The following GANC variants were observed in gnomAD, a reference collection of about 807,000 sequenced individuals.
The protein encoded by GANC is neutral alpha-glucosidase C.
GANC carries 117 observed loss-of-function variants against 124.2 expected under a neutral mutation model. The ratio of observed to expected loss-of-function variants is 0.94; its 90% CI spans 0.81 to 1.10. The LOEUF (loss-of-function observed/expected upper bound fraction) is 1.10. Ranked by LOEUF, GANC falls within the 50% of genes least tolerant of loss-of-function variation. The pLI, the probability that GANC is intolerant of heterozygous loss-of-function variation, is 0.00. For missense variants in GANC, 1,140 were observed against 1,095.0 expected (o/e 1.04, Z -0.58); for synonymous variants, 377 against 376.8 (o/e 1.00, Z -0.01).
chr15:42,301,478 G>T (rs901973372), intron 6 of GANC, among the ~76,000 whole-genome samples: 2 of 151,746 alleles, frequency 1.3e-5, no homozygotes, highest in African/African-American at 4.8e-5. Context: ...ATACCCCAGT[G>T]GCGCCTGGAA....
intron 3 of GANC, chr15:42,280,773 G>A (rs1042312503): frequency 2.8e-5 from 17 of 601,828 alleles, no homozygotes; most frequent in Non-Finnish European, 4.4e-5. Flanking sequence ...AAAATCACCC[G>A]GAATATCAGT....
chr15:42,336,313 C>T (rs2052283256), intron 15 of GANC, among the ~76,000 whole-genome samples: 1 of 151,958 alleles, frequency 6.6e-6, no homozygotes, highest in Non-Finnish European at 1.5e-5. Flanking sequence ...GAATAGAGGG[C>T]CCAGAAATAA....
chr15:42,321,343 T>C (rs1014611038), intron 10 of GANC, among the ~76,000 whole-genome samples: 5 of 152,188 alleles, frequency 3.3e-5, no homozygotes, highest in Non-Finnish European at 7.4e-5. Flanking sequence ...CCTTGAATAT[T>C]TATTTTTCTG....
intron 3 of GANC, among the ~76,000 whole-genome samples, chr15:42,287,342 C>T (rs2051799345): frequency 6.6e-6 from 1 of 152,170 alleles, no homozygotes. Flanking sequence ...TGTAGTTTAT[C>T]ATAGATACAG....
At chr15:42,303,449 A>G (rs903426478) in intron 6 of GANC, among the ~76,000 whole-genome samples, 1 of 152,192 alleles carries the variant, frequency 6.6e-6, no homozygotes, top group Non-Finnish European at 1.5e-5. Context: ...TACATTAACT[A>G]ATGGGCAAAA....
At chr15:42,276,611 T>C (rs2051674105) in intron 2 of GANC, among the ~76,000 whole-genome samples, 1 of 152,248 alleles carries the variant, frequency 6.6e-6, no homozygotes, top group Non-Finnish European at 1.5e-5. Flanking sequence ...ACAGCTATTT[T>C]ATTTTAAAAG....
chr15:42,329,579 A>T, intron 14 of GANC, 130 bp downstream of exon 14: 1 of 939,460 alleles, frequency 1.1e-6, no homozygotes, highest in Non-Finnish European at 1.5e-6. Flanking sequence ...GACAACTGCA[A>T]TGAGTCTTAG....
In GANC at chr15:42,353,382, A is replaced by G; in HGVS notation, c.*1243A>G. The stretch of plus-strand genomic sequence containing the variant: ...CAACTTAAATCCCACTTTCCCATGA[A>G]GCCTAACTGCGTGAACACCCCTACC... On this transcript the variant is annotated 3_prime_UTR_variant, in exon 24 of 24. Transcript: ENST00000318010. 1.0e-6 allele frequency: 1 copy of G among 984,834 alleles called. No individual in the cohort carries two copies. 61.0% of individuals were successfully genotyped at this position (984,834 alleles called of 1,614,324 possible).
chr15:42,330,770 C>CTTTTTTTTTTTTTTT (rs71108160), intron 15 of GANC, 98 bp downstream of exon 15: 6 of 361,074 alleles, frequency 1.7e-5, no homozygotes, highest in African/African-American at 1.0e-4. Flanking sequence ...CTTCCTTTTC[C>CTTTTTTTTTTTTTTT]TTTTTTTTTT....
rs1468248812 is a variant in GANC, at chr15:42,294,207, C to T, written c.512+1290C>T. ...GTACAAAGGAGTATATATTAATACACATTTCTATGTAATAATAGTAAAGAA... is the reference window on the plus strand; with the variant it reads ...GTACAAAGGAGTATATATTAATACATATTTCTATGTAATAATAGTAAAGAA... On this transcript the variant is annotated intron_variant, in intron 5 of 23. Transcript: ENST00000318010. 4.6e-5 allele frequency among the ~76,000 whole-genome samples: 7 copies of T among 151,446 alleles called. No individual in the cohort carries two copies. The South Asian group carries it at 1.5e-3, about 31-fold the overall frequency.
chr15:42,297,773 A>G (rs2051905510), intron 6 of GANC, 117 bp downstream of exon 6: 5 of 611,650 alleles, frequency 8.2e-6, no homozygotes, highest in Non-Finnish European at 1.4e-5. Flanking sequence ...GATCGACTGC[A>G]TATAAATAGG....
rs2052173264 is a variant in GANC at position 42,322,980 on chromosome 15, C to T, written c.1293+960C>T. Among the ~76,000 whole-genome samples, 3 of 152,202 alleles carry T rather than the reference C, an allele frequency of 2.0e-5. No homozygotes were observed. In the South Asian group the frequency reaches 6.2e-4, roughly 31 times the overall value. On this transcript the variant is annotated intron_variant, in intron 11 of 23. Transcript: ENST00000318010. ...CCTTTGACCTCCCCACCAGGCTTTT[C>T]ACAGACAGCCAGAGCCCATCCAGTT...
intron 18 of GANC, 103 bp downstream of exon 18, chr15:42,340,857 C>T: frequency 1.1e-6 from 1 of 870,764 alleles, no homozygotes; most frequent in South Asian, 1.5e-5. Flanking sequence ...ACCTCCGCCT[C>T]CCGGTTTCAA....
At chr15:42,338,799 T>A (rs184474014) in intron 16 of GANC, among the ~76,000 whole-genome samples, 1 of 110,792 alleles carries the variant, frequency 9.0e-6, no homozygotes, top group Admixed American at 8.9e-5. Flanking sequence ...CAGCTATCTT[T>A]TCTTCTTGAA....
At chr15:42,326,256 A>G in intron 11 of GANC, 42 bp from the exon 12 acceptor site, 4 of 1,404,614 alleles carry the variant, frequency 2.8e-6, no homozygotes, top group Non-Finnish European at 4.0e-6. Context: ...CATTTGTCTT[A>G]CATAAAACTG....
intron 10 of GANC, among the ~76,000 whole-genome samples, chr15:42,321,205 T>A (rs1216864356): frequency 6.6e-6 from 1 of 152,194 alleles, no homozygotes; most frequent in Non-Finnish European, 1.5e-5. Context: ...CTGCTAAGAT[T>A]ACATCTTGCC....
At chr15:42,297,448 C>T (rs1566952181) in intron 5 of GANC, among the ~76,000 whole-genome samples, 163 bp from the exon 6 acceptor site, 2 of 152,120 alleles carry the variant, frequency 1.3e-5, no homozygotes, top group African/African-American at 4.8e-5. Context: ...CAGGCAGGCA[C>T]CACTGCACCT....
intron 3 of GANC, among the ~76,000 whole-genome samples, chr15:42,285,169 T>G (rs1021311282): frequency 6.6e-6 from 1 of 152,194 alleles, no homozygotes; most frequent in Non-Finnish European, 1.5e-5. Context: ...TCCAAACTTT[T>G]TGAAAGAGCA....
intron 3 of GANC, among the ~76,000 whole-genome samples, chr15:42,280,727 G>T (rs2051723431): frequency 6.6e-6 from 1 of 152,134 alleles, no homozygotes; most frequent in Non-Finnish European, 1.5e-5. Context: ...TTGAGCACCT[G>T]GTCATGAAGA....
Sources: allele counts gnomAD v4.1 joint callset (sites outside exome capture counted in the v4.1 genomes callset), GRCh38; gene constraint gnomAD v4.1.1; transcripts MANE v1.5; gene names NCBI Gene and HGNC (gene_info 2026-07-23, HGNC 2026-07-21).